TRHDE: variants seen among roughly 807,000 people sequenced by gnomAD.
TRHDE encodes thyrotropin-releasing hormone-degrading ectoenzyme.
Under a neutral mutation model 125.7 loss-of-function variants are expected in TRHDE, and 72 were observed. The ratio of observed to expected loss-of-function variants is 0.57; its 90% CI spans 0.47 to 0.70. The LOEUF (loss-of-function observed/expected upper bound fraction) is 0.70, where lower values mean the gene tolerates loss of function less well. TRHDE is among the 30% of genes least tolerant of loss of function. The pLI is 0.00. For synonymous variants in TRHDE, 509 were observed against 509.1 expected (o/e 1.00, Z 0.00); for missense variants, 1,110 against 1,327.1 (o/e 0.84, Z 2.54).
rs1158933184 is a variant in TRHDE at position 72,273,332 on chromosome 12, C to G, written c.689C>G (p.Ser230Cys). ...ACCCGCTACGTAGTGCTGCACGCTT[C>G]CCGAGTGGCGGTGGAGAAAGTGCAG... ...NATRYVVLHA[S>C]RVAVEKVQLA... is the part of the protein sequence containing the mutation. The change falls in exon 1 of 19, where the codon TCC (serine) becomes TGC (cysteine). Residue 230 changes from serine (S) to cysteine (C), a missense_variant. Ser to Cys is a moderately radical substitution (Grantham distance 112). Around this residue, in one of 5 missense-constraint regions of TRHDE, gnomAD observed 72 missense variants for 122.2 expected, o/e 0.59. Coordinates refer to ENST00000261180, the MANE Select transcript of TRHDE (RefSeq NM_013381.3). The surrounding 1 kb of genome is among the most constrained non-coding windows in gnomAD (Gnocchi z 5.3). The G allele has an allele frequency of 1.5e-5, 25 of 1,614,004 alleles. No homozygotes were observed. Among genetic ancestry groups the G allele is most frequent in the Non-Finnish European group, 2.1e-5 (25 of 1,180,028 alleles).
At position 72,668,284 on chromosome 12, in the gene TRHDE, TTAAA is replaced by T. The variant is rs1480869872; in HGVS notation, c.*5092_*5095del. The T allele has an allele frequency of 2.0e-5, 3 of 151,810 alleles. No individual in the cohort carries two copies. Among genetic ancestry groups the T allele is most frequent in the African/African-American group, 7.2e-5 (3 of 41,442 alleles). The allele number at this position is 151,810 out of a possible 1,614,324, so 9.4% of individuals were successfully genotyped here. A position where few individuals can be genotyped will look rare whatever the true frequency, so the allele number is the denominator to read the frequency against. The stretch of plus-strand genomic sequence containing the variant: ...AGGTAAGGAAAGTTTTTAAACTGTC[TTAAA>T]TATTTAATAAAAGCAGTTGTTAAAA... On this transcript the variant is annotated 3_prime_UTR_variant, in exon 19 of 19. Transcript: ENST00000261180.
chr12:72,519,042 T>C (rs568329671), intron 6 of TRHDE, among the ~76,000 whole-genome samples: 2 of 152,220 alleles, frequency 1.3e-5, no homozygotes, highest in African/African-American at 4.8e-5. Flanking sequence ...CTTCCCTTTG[T>C]GGGTAACCCA....
At chr12:72,473,477 T>C (rs2135902895) in intron 5 of TRHDE, among the ~76,000 whole-genome samples, 1 of 152,112 alleles carries the variant, frequency 6.6e-6, no homozygotes, top group East Asian at 1.9e-4. Context: ...AATAAAGAAG[T>C]CAAGAGTAAT....
At chr12:72,605,983 T>G (rs1282493539) in intron 12 of TRHDE, among the ~76,000 whole-genome samples, 1 of 152,206 alleles carries the variant, frequency 6.6e-6, no homozygotes, top group Non-Finnish European at 1.5e-5. Context: ...CCTTCTTATG[T>G]TGTACAATCT....
At chr12:72,554,644 T>G (rs1869836587) in intron 7 of TRHDE, among the ~76,000 whole-genome samples, 1 of 152,168 alleles carries the variant, frequency 6.6e-6, no homozygotes, top group Non-Finnish European at 1.5e-5. Context: ...GTAATTTATC[T>G]ATTTTGGGAG....
At chr12:72,189,856 A>G (rs576376806) in intron 2 of TRHDE, among the ~76,000 whole-genome samples, 1 of 152,286 alleles carries the variant, frequency 6.6e-6, no homozygotes, top group Non-Finnish European at 1.5e-5. Context: ...TCTGCCACTT[A>G]GTCCTATGAG....
intron 12 of TRHDE, among the ~76,000 whole-genome samples, chr12:72,617,359 C>T (rs1439669608): frequency 2.6e-5 from 4 of 152,000 alleles, no homozygotes; most frequent in African/African-American, 7.2e-5. Context: ...TTATTATGGA[C>T]ATTATAAGCA....
intron 2 of TRHDE, among the ~76,000 whole-genome samples, chr12:72,321,027 G>T (rs868105921): frequency 1.8e-4 from 28 of 152,282 alleles, no homozygotes; most frequent in Non-Finnish European, 2.9e-4. Context: ...AGTGGGAAAT[G>T]TATCTACCAT....
chr12:72,244,521 T>A (rs1878538867), intron 2 of TRHDE, among the ~76,000 whole-genome samples: 1 of 151,268 alleles, frequency 6.6e-6, no homozygotes, highest in African/African-American at 2.4e-5. Flanking sequence ...CCAATAAAAT[T>A]TTACTTTTTT....
At chr12:72,607,185 T>C (rs1332526125) in intron 12 of TRHDE, among the ~76,000 whole-genome samples, 1 of 152,182 alleles carries the variant, frequency 6.6e-6, no homozygotes, top group Non-Finnish European at 1.5e-5. Context: ...GTCTGGATTT[T>C]GCTAATTGCA....
intron 3 of TRHDE, among the ~76,000 whole-genome samples, chr12:72,430,243 ATG>A (rs1463784943): frequency 1.4e-5 from 2 of 147,252 alleles, no homozygotes; most frequent in African/African-American, 5.0e-5. Flanking sequence ...ATATATATGT[ATG>A]TGTGTGTATA....
At chr12:72,588,861 TACAA>T (rs1264949060) in intron 12 of TRHDE, among the ~76,000 whole-genome samples, 2 of 152,262 alleles carry the variant, frequency 1.3e-5, no homozygotes, top group East Asian at 3.9e-4. Context: ...TCAGGAAACT[TACAA>T]TCATGGTGGA....
intron 5 of TRHDE, among the ~76,000 whole-genome samples, chr12:72,477,277 C>T (rs149575425): frequency 2.6e-5 from 4 of 152,186 alleles, no homozygotes; most frequent in East Asian, 1.9e-4. Context: ...CATTTCCAAC[C>T]CTAGTAATCC....
At chr12:72,608,197 C>T (rs1872522614) in intron 12 of TRHDE, among the ~76,000 whole-genome samples, 1 of 152,098 alleles carries the variant, frequency 6.6e-6, no homozygotes, top group Admixed American at 6.6e-5. Context: ...CGCCATATGC[C>T]ATTATTTGAG....
Position 72,663,040 on chromosome 12 carries a change from T to C in TRHDE, c.3067-12T>C, listed in dbSNP as rs1489278538. The C allele has an allele frequency of 1.1e-5, 18 of 1,598,070 alleles. No individual in the cohort carries two copies. The East Asian group carries it at 3.6e-4, about 32-fold the overall frequency. Reference sequence around the variant, plus strand: ...ACAGGCAGATTTACCATTTAAAAATTTCTCTTTCCAGCTCAAGAACTTCAT... The same window carrying C: ...ACAGGCAGATTTACCATTTAAAAATCTCTCTTTCCAGCTCAAGAACTTCAT... On this transcript the variant is annotated splice_polypyrimidine_tract_variant and intron_variant, in intron 18 of 18. Coordinates refer to ENST00000261180, the MANE Select transcript of TRHDE (RefSeq NM_013381.3).
At chr12:72,101,443 G>T (rs1875065729) in intron 1 of TRHDE, among the ~76,000 whole-genome samples, 1 of 152,116 alleles carries the variant, frequency 6.6e-6, no homozygotes, top group East Asian at 1.9e-4. Flanking sequence ...TTTTCTGTTT[G>T]GTGATTACAG....
intron 9 of TRHDE, among the ~76,000 whole-genome samples, chr12:72,566,252 C>T (rs1049358864): frequency 2.0e-5 from 3 of 151,652 alleles, no homozygotes; most frequent in South Asian, 2.1e-4. Context: ...TGTAGATTTT[C>T]GTTATGTGTG....
intron 3 of TRHDE, among the ~76,000 whole-genome samples, chr12:72,458,197 AAAC>A (rs1711680493): frequency 6.6e-6 from 1 of 152,198 alleles, no homozygotes; most frequent in African/African-American, 2.4e-5. Flanking sequence ...AACCTGCTGA[AAAC>A]AATATTGAAT....
chr12:72,267,530 T>C (rs1879095111), upstream of TRHDE, among the ~76,000 whole-genome samples: 1 of 151,972 alleles, frequency 6.6e-6, no homozygotes, highest in African/African-American at 2.4e-5. Flanking sequence ...ACACATAGTA[T>C]AATATTAATA....
Sources: gnomAD v4.1 joint callset for allele counts (sites outside exome capture counted in the v4.1 genomes callset) on GRCh38, gnomAD v4.1.1 for gene constraint, gnomAD v4.1.1 regional missense constraint, Gnocchi (gnomAD v3.1) non-coding constraint, MANE v1.5 for transcripts, NCBI Gene and HGNC (gene_info 2026-07-23, HGNC 2026-07-21) for gene names.